Variants in SLC5A4 observed in about 807,000 individuals in gnomAD.
SLC5A4 encodes solute carrier family 5 member 4.
SLC5A4 carries 55 observed loss-of-function variants against 70.3 expected under a neutral mutation model. The ratio of observed to expected loss-of-function variants is 0.78; its 90% CI spans 0.63 to 0.98. The LOEUF is 0.98. Among genes scored for constraint, SLC5A4 ranks in the 50% least tolerant of loss-of-function variants. The probability of loss-of-function intolerance (pLI) is 0.00; values close to 1 mark genes in which losing one functional copy is unlikely to be tolerated. For missense variants in SLC5A4, 735 were observed against 839.2 expected, an observed-to-expected ratio of 0.88 and a Z score of 1.53; for synonymous variants, 268 against 305.7, an observed-to-expected ratio of 0.88 and a Z score of 1.29.
At chr22:32,233,072 G>C in intron 8 of SLC5A4, 38 bp from the exon 9 acceptor site, 1 of 1,592,364 alleles carries the variant, frequency 6.3e-7, no homozygotes, top group South Asian at 1.1e-5. Flanking sequence ...AAACAAGCCA[G>C]GGGATGATTT....
the SLC5A4 span, among the ~76,000 whole-genome samples, chr22:32,318,693 C>A: frequency 0.11 from 16,994 of 152,242 alleles, 1,328 homozygotes; most frequent in East Asian, 0.33. Flanking sequence ...CATCTGCTCT[C>A]AACACAGCAG....
At chr22:32,350,449 G>A in the SLC5A4 span, among the ~76,000 whole-genome samples, 1 of 152,052 alleles carries the variant, frequency 6.6e-6, no homozygotes, top group African/African-American at 2.4e-5. Context: ...CTCATCTACA[G>A]CTATATAATT....
At chr22:32,223,928 T>C (rs1322240464) in intron 13 of SLC5A4, among the ~76,000 whole-genome samples, 3 of 147,446 alleles carry the variant, frequency 2.0e-5, no homozygotes, top group Admixed American at 2.0e-4. Context: ...CAAGGAACTC[T>C]TTTTTTTTTT....
chr22:32,306,309 C>CA, the SLC5A4 span, among the ~76,000 whole-genome samples: 1 of 133,614 alleles, frequency 7.5e-6, no homozygotes, highest in African/African-American at 2.8e-5. Context: ...ACTAAAAATA[C>CA]AAAAAATTAG....
the SLC5A4 span, among the ~76,000 whole-genome samples, chr22:32,295,371 A>G: frequency 1.8e-5 from 2 of 108,974 alleles, no homozygotes; most frequent in African/African-American, 3.4e-5. Flanking sequence ...CTGGTGTGAG[A>G]TGGTATCTCA....
chr22:32,292,765 ATTG>A, the SLC5A4 span, among the ~76,000 whole-genome samples: 452 of 152,316 alleles, frequency 3.0e-3, 1 homozygote, highest in Non-Finnish European at 4.6e-3. Context: ...TGTTGAATGC[ATTG>A]TTCTAGATAT....
intron 5 of SLC5A4, among the ~76,000 whole-genome samples, chr22:32,246,209 G>A (rs778634811): frequency 1.4e-4 from 22 of 152,080 alleles, no homozygotes; most frequent in Non-Finnish European, 2.6e-4. Flanking sequence ...TCTTTGCTAC[G>A]CTCACACAAA....
the SLC5A4 span, among the ~76,000 whole-genome samples, chr22:32,347,746 C>G: frequency 2.0e-5 from 3 of 151,310 alleles, no homozygotes; most frequent in African/African-American, 7.3e-5. Context: ...AGAAGATATA[C>G]CTAATGCTAA....
the SLC5A4 span, among the ~76,000 whole-genome samples, chr22:32,314,799 T>C: frequency 6.6e-6 from 1 of 151,992 alleles, no homozygotes; most frequent in Non-Finnish European, 1.5e-5. Flanking sequence ...ACGTCTTATG[T>C]GGATGGTGGC....
the SLC5A4 span, among the ~76,000 whole-genome samples, chr22:32,333,092 C>T: frequency 1.3e-4 from 20 of 152,150 alleles, no homozygotes; most frequent in East Asian, 7.8e-4. Flanking sequence ...AAAGTGAGGC[C>T]GAGGAGGGAC....
At chr22:32,324,024 A>G in the SLC5A4 span, among the ~76,000 whole-genome samples, 2 of 152,264 alleles carry the variant, frequency 1.3e-5, no homozygotes, top group East Asian at 3.9e-4. Context: ...CTGGAGGGCA[A>G]AGCAGCTTTG....
At chr22:32,304,833 G>A in the SLC5A4 span, among the ~76,000 whole-genome samples, 95,845 of 151,784 alleles carry the variant, frequency 0.63, 30,349 homozygotes, top group East Asian at 0.7. Context: ...TTTCTCCTAT[G>A]TTCTAGGAGT....
At chr22:32,350,745 T>C in the SLC5A4 span, among the ~76,000 whole-genome samples, 29 of 152,126 alleles carry the variant, frequency 1.9e-4, no homozygotes, top group African/African-American at 6.8e-4. Flanking sequence ...GGCATATTTT[T>C]ACACATATCA....
the SLC5A4 span, among the ~76,000 whole-genome samples, chr22:32,334,323 C>T: frequency 6.6e-6 from 1 of 152,290 alleles, no homozygotes; most frequent in Non-Finnish European, 1.5e-5. Context: ...CCCCGCCCCT[C>T]CAGCACTGTC....
chr22:32,252,628 G>T (rs748172210), intron 2 of SLC5A4, among the ~76,000 whole-genome samples: 1 of 152,052 alleles, frequency 6.6e-6, no homozygotes, highest in South Asian at 2.1e-4. Context: ...AAGCTCGTTG[G>T]CCCCTGTCTT....
At chr22:32,235,545 T>C (rs1926009529) in intron 7 of SLC5A4, among the ~76,000 whole-genome samples, 1 of 152,286 alleles carries the variant, frequency 6.6e-6, no homozygotes, top group African/African-American at 2.4e-5. Flanking sequence ...TTGGCTCTTT[T>C]GATCTTACTT....
At chr22:32,313,799 A>T in the SLC5A4 span, among the ~76,000 whole-genome samples, 1 of 140,678 alleles carries the variant, frequency 7.1e-6, no homozygotes, top group Non-Finnish European at 1.5e-5. Context: ...GTGGGAGTCT[A>T]TTGGGAAGGG....
the SLC5A4 span, chr22:32,272,632 T>C: frequency 3.4e-6 from 2 of 589,770 alleles, no homozygotes; most frequent in Non-Finnish European, 6.3e-6. Context: ...TGCAGCCTCA[T>C]GGTGTACATG....
intron 7 of SLC5A4, 131 bp from the exon 8 acceptor site, chr22:32,235,224 C>A: frequency 1.6e-6 from 1 of 639,176 alleles, no homozygotes; most frequent in East Asian, 2.7e-5. Context: ...GTGACCCTCT[C>A]CCAGGTCCAT....
Sources: gnomAD v4.1 joint callset for allele counts (sites outside exome capture counted in the v4.1 genomes callset) on GRCh38, gnomAD v4.1.1 for gene constraint, MANE v1.5 for transcripts, NCBI Gene and HGNC (gene_info 2026-07-23, HGNC 2026-07-21) for gene names.